The following WIZ variants were observed in gnomAD, a reference collection of about 807,000 sequenced individuals.
The protein encoded by WIZ is protein Wiz.
In WIZ, 25 loss-of-function variants were observed where a neutral mutation model predicts 140.2. That is an observed-to-expected ratio of 0.18 (90% CI 0.13 to 0.25). The LOEUF is 0.25. WIZ is among the 10% of genes least tolerant of loss of function. WIZ has a pLI of 1.00. For missense variants in WIZ, 2,231 were observed against 2,632.6 expected, an observed-to-expected ratio of 0.85 and a Z score of 3.34; for synonymous variants, 1,125 against 1,154.3, an observed-to-expected ratio of 0.97 and a Z score of 0.51.
At position 15,439,783 on chromosome 19, in the gene WIZ, G is replaced by A. The variant is rs1004916171; in HGVS notation, c.1211C>T (p.Pro404Leu). 2.4e-5 allele frequency: 36 copies of A among 1,503,162 alleles called. No homozygotes were observed. The highest frequency in any genetic ancestry group is 2.9e-5 in the Non-Finnish European group (33 of 1,131,664). The allele number at this position is 1,503,162 out of a possible 1,614,324, so 93.1% of individuals were successfully genotyped here. Residue 404 changes from proline (P) to leucine (L), a missense_variant, in exon 4 of 13, where the codon CCT (proline) becomes CTT (leucine). Pro to Leu is a moderately conservative substitution (Grantham distance 98, BLOSUM62 -3). Transcript: ENST00000673675. This position sits in a 1 kb window ranked among gnomAD's most constrained non-coding sequence, Gnocchi z 7.0. The stretch of plus-strand genomic sequence containing the variant: ...TGAATTGGTGCCAAAGACACACTTA[G>A]GGCACTGCAGCCGTGCCTCCCGGCC... Reference protein sequence around the residue: ...DEGREARLQCPKCVFGTNSSR... With the variant: ...DEGREARLQCLKCVFGTNSSR...
intron 2 of WIZ, among the ~76,000 whole-genome samples, chr19:15,444,448 T>C (rs1290479400): frequency 6.6e-6 from 1 of 151,932 alleles, no homozygotes; most frequent in African/African-American, 2.4e-5. Flanking sequence ...TTTTCTGGGG[T>C]GGGGTCCATC....
chr19:15,423,453 T>G (rs1968503952), intron 12 of WIZ, among the ~76,000 whole-genome samples: 1 of 152,198 alleles, frequency 6.6e-6, no homozygotes, highest in Non-Finnish European at 1.5e-5. Context: ...CCCCTGCCTC[T>G]GTGCTCAGAA....
In WIZ at chr19:15,424,494, G is replaced by A. The variant is rs558358274; in HGVS notation, c.5315-116C>T. 3.7e-5 allele frequency: 56 copies of A among 1,530,330 alleles called. No individual in the cohort carries two copies. In the Middle Eastern group the frequency reaches 1.2e-3, roughly 33 times the overall value. 94.8% of individuals were successfully genotyped at this position (1,530,330 alleles called of 1,614,324 possible). On this transcript the variant is annotated intron_variant, in intron 11 of 12. Coordinates refer to ENST00000673675, the MANE Select transcript of WIZ (RefSeq NM_001371589.1). The surrounding 1 kb of genome is among the most constrained non-coding windows in gnomAD (Gnocchi z 9.7). ...GATGGGTGGGATGGGGGATGGATGG[G>A]TGAATGGGTAAGCAACTGGAGAAAG... is the stretch of plus-strand genomic sequence containing the variant.
Position 15,425,681 on chromosome 19 carries a change from C to T in WIZ, c.4454G>A (p.Arg1485His), listed in dbSNP as rs1370470768. ...ENRKGLSSHARSHLRQMGVTE... is the reference protein window; with the variant it reads ...ENRKGLSSHAHSHLRQMGVTE... ...CACACCCATCTGCCGCAGGTGTGAG[C>T]GCGCGTGACTCGACAGGCCCTTGCG... The change falls in exon 10 of 13, where the codon CGC becomes CAC. Residue 1485 changes from arginine to histidine, a missense_variant. Physicochemically the swap from Arg to His is conservative, Grantham distance 29. Transcript: ENST00000673675. 1.9e-6 allele frequency: 3 copies of T among 1,613,210 alleles called. No individual in the cohort carries two copies. Among genetic ancestry groups the T allele is most frequent in the Non-Finnish European group, 2.5e-6 (3 of 1,179,918 alleles).
Position 15,442,543 on chromosome 19 carries a change from C to A in WIZ, c.278+133G>T, listed in dbSNP as rs1450138313. On this transcript the variant is annotated intron_variant, in intron 3 of 12. Transcript: ENST00000673675. The surrounding 1 kb of genome is among the most constrained non-coding windows in gnomAD (Gnocchi z 5.5). Reference sequence around the variant, plus strand: ...CGCCCAGGGGCTTGCCTGCCGGGAGCTGACTCCTCCTCCTGCCTGGCCTCC... The same window carrying A: ...CGCCCAGGGGCTTGCCTGCCGGGAGATGACTCCTCCTCCTGCCTGGCCTCC... 2 of 653,156 alleles carry A rather than the reference C, an allele frequency of 3.1e-6. No homozygotes were observed. Among genetic ancestry groups the A allele is most frequent in the Non-Finnish European group, 4.3e-6 (2 of 459,932 alleles). The allele number at this position is 653,156 out of a possible 1,614,324, so 40.5% of individuals were successfully genotyped here. A position where few individuals can be genotyped will look rare whatever the true frequency, so the allele number is the denominator to read the frequency against.
intron 2 of WIZ, among the ~76,000 whole-genome samples, chr19:15,444,955 G>C (rs1969866261): frequency 1.3e-5 from 2 of 152,222 alleles, no homozygotes; most frequent in South Asian, 4.1e-4. Flanking sequence ...CTTTGTCTGA[G>C]CAATTCCAGC....
intron 5 of WIZ, chr19:15,432,451 G>A: frequency 8.1e-6 from 8 of 983,922 alleles, no homozygotes; most frequent in Non-Finnish European, 9.6e-6. Flanking sequence ...GGGAGCGGAC[G>A]CGGGCCCGGG....
intron 2 of WIZ, among the ~76,000 whole-genome samples, chr19:15,444,568 G>A (rs1969852233): frequency 6.6e-6 from 1 of 152,122 alleles, no homozygotes; most frequent in Non-Finnish European, 1.5e-5. Context: ...CCCTGGAGGG[G>A]GAGGCGAATC....
rs759799980 is a variant in WIZ at position 15,440,073 on chromosome 19, G to A, written c.921C>T (p.Asp307=). 1.4e-5 allele frequency: 21 copies of A among 1,535,558 alleles called. No individual in the cohort carries two copies. Among genetic ancestry groups the A allele is most frequent in the African/African-American group, 9.6e-5 (7 of 73,010 alleles). Residue 307 remains aspartate, a synonymous_variant, in exon 4 of 13, where the codon GAC becomes GAT. Coordinates refer to ENST00000673675, the MANE Select transcript of WIZ (RefSeq NM_001371589.1). This position sits in a 1 kb window ranked among gnomAD's most constrained non-coding sequence, Gnocchi z 6.2. ...GGAACACGGCCGGCTCCTCGTCCTC[G>A]TCCTCATCTGGGCTGGCCACCCCTT... ...VAEGVASPDE[D]EDEEPAVFPC... is the part of the protein sequence containing the mutation.
At chr19:15,446,144 C>A (rs1458989464) in intron 2 of WIZ, among the ~76,000 whole-genome samples, 1 of 152,146 alleles carries the variant, frequency 6.6e-6, no homozygotes, top group Admixed American at 6.5e-5. Context: ...GCCTGGCCCC[C>A]CTCAGCAGCC....
At chr19:15,443,894 C>T (rs1969826758) in intron 2 of WIZ, among the ~76,000 whole-genome samples, 1 of 152,168 alleles carries the variant, frequency 6.6e-6, no homozygotes, top group Non-Finnish European at 1.5e-5. Context: ...CCAATCCCCT[C>T]CTGGGACCCC....
intron 5 of WIZ, chr19:15,433,487 A>C: frequency 8.7e-6 from 3 of 345,204 alleles, no homozygotes; most frequent in Non-Finnish European, 1.2e-5. Flanking sequence ...GGCTTCCAAG[A>C]TCTTCCCAAT....
chr19:15,425,926 G>A (rs777757004), intron 9 of WIZ, among the ~76,000 whole-genome samples, 158 bp from the exon 10 acceptor site: 9 of 147,464 alleles, frequency 6.1e-5, no homozygotes, highest in Middle Eastern at 3.5e-3. Flanking sequence ...AGGAGGCGGC[G>A]GCTGCGGGCA....
chr19:15,420,297 C>T lies in WIZ; in HGVS notation c.*2779G>A, dbSNP rs1276882132. The T allele has an allele frequency of 6.6e-6, 1 of 152,194 alleles. No homozygotes were observed. The highest frequency in any genetic ancestry group is 1.5e-5 in the Non-Finnish European group (1 of 68,048). 9.4% of individuals were successfully genotyped at this position (152,194 alleles called of 1,614,324 possible). ...GATAAACTGTTTTAATAAAACTCCC[C>T]CCACCCAAATGAGGCTTCTGCAGAA... On this transcript the variant is annotated 3_prime_UTR_variant, in exon 13 of 13. Coordinates refer to ENST00000673675, the MANE Select transcript of WIZ (RefSeq NM_001371589.1).
In WIZ at chr19:15,425,357, G is replaced by A; in HGVS notation, c.4778C>T (p.Ala1593Val). The A allele has an allele frequency of 6.4e-7, 1 of 1,558,016 alleles. No individual in the cohort carries two copies. Among genetic ancestry groups the A allele is most frequent in the South Asian group, 1.2e-5 (1 of 85,176 alleles). The change falls in exon 10 of 13, where the codon GCC becomes GTC. Residue 1593 changes from alanine to valine, a missense_variant. Physicochemically the swap from Ala to Val is moderately conservative, Grantham distance 64. This residue lies in a region of WIZ where 393 missense variants were observed against 451.7 expected (regional missense o/e 0.87). Coordinates refer to ENST00000673675, the MANE Select transcript of WIZ (RefSeq NM_001371589.1). ...SATGYLGSVA[A>V]KRPLQEDRLL... ...GCGGTCCTCCTGCAGGGGCCGCTTGGCTGCCACTGAGCCCAGGTAGCCAGT... is the reference window on the plus strand; with the variant it reads ...GCGGTCCTCCTGCAGGGGCCGCTTGACTGCCACTGAGCCCAGGTAGCCAGT...
chr19:15,424,623 C>A lies in WIZ; in HGVS notation c.5304G>T (p.Gln1768His). 6.3e-7 allele frequency: 1 copy of A among 1,592,024 alleles called. No individual in the cohort carries two copies. Among genetic ancestry groups the A allele is most frequent in the Non-Finnish European group, 8.5e-7 (1 of 1,177,582 alleles). ...GTVKAEEHQR[Q>H]NINKFERRQA... ...CCACCAAGCACTCACTGTTGATGTT[C>A]TGCCGCTGGTGCTCCTCAGCCTTCA... is the stretch of plus-strand genomic sequence containing the variant. Residue 1768 changes from glutamine to histidine, a missense_variant, in exon 11 of 13, where the codon CAG becomes CAT. Gln to His is a conservative substitution (Grantham distance 24). This residue lies in a region of WIZ where 299 missense variants were observed against 309.6 expected (regional missense o/e 0.97). Coordinates refer to ENST00000673675, the MANE Select transcript of WIZ (RefSeq NM_001371589.1). This position sits in a 1 kb window ranked among gnomAD's most constrained non-coding sequence, Gnocchi z 9.7.
rs74912500 is a variant in WIZ at position 15,425,530 on chromosome 19, G to A, written c.4605C>T (p.Asp1535=). ...GCCCAGGGGCCACGGTGGGAGGCCCGTCCTCAGCCAGGGCAGGGGCCAGGT... is the reference window on the plus strand; with the variant it reads ...GCCCAGGGGCCACGGTGGGAGGCCCATCCTCAGCCAGGGCAGGGGCCAGGT... ...AGDLAPALAE[D]GPPTVAPGPV... Residue 1535 remains aspartate (D), a synonymous_variant, in exon 10 of 13, where the codon GAC becomes GAT. Coordinates refer to ENST00000673675, the MANE Select transcript of WIZ (RefSeq NM_001371589.1). The A allele has an allele frequency of 7.3e-4, 1,170 of 1,611,690 alleles. 14 individuals are homozygous for A. In the East Asian group the frequency reaches 0.013, roughly 18 times the overall value.
Position 15,440,086 on chromosome 19 carries a change from C to T in WIZ, c.908G>A (p.Ser303Asn), listed in dbSNP as rs1382658361. The T allele has an allele frequency of 3.3e-6, 5 of 1,535,016 alleles. No individual in the cohort carries two copies. The highest frequency in any genetic ancestry group is 1.2e-5 in the South Asian group (1 of 83,962). The change falls in exon 4 of 13, where the codon AGC becomes AAC. Residue 303 changes from serine to asparagine, a missense_variant. This residue lies in a region of WIZ where 307 missense variants were observed against 294.1 expected (regional missense o/e 1.04). Coordinates refer to ENST00000673675, the MANE Select transcript of WIZ (RefSeq NM_001371589.1). The surrounding 1 kb of genome is among the most constrained non-coding windows in gnomAD (Gnocchi z 6.2). ...CTCCTCGTCCTCGTCCTCATCTGGG[C>T]TGGCCACCCCTTCGGCCACCTCCTC... is the stretch of plus-strand genomic sequence containing the variant. ...LLEEVAEGVA[S>N]PDEDEDEEPA...
At chr19:15,437,430 A>T (rs1050163622) in intron 4 of WIZ, among the ~76,000 whole-genome samples, 8 of 152,246 alleles carry the variant, frequency 5.3e-5, no homozygotes, top group African/African-American at 1.9e-4. Context: ...TTGGGAGGCC[A>T]AGCGGGAAGA....
Sources: gnomAD v4.1 joint callset for allele counts (sites outside exome capture counted in the v4.1 genomes callset) on GRCh38, gnomAD v4.1.1 for gene constraint, gnomAD v4.1.1 regional missense constraint, Gnocchi (gnomAD v3.1) non-coding constraint, MANE v1.5 for transcripts, NCBI Gene and HGNC (gene_info 2026-07-23, HGNC 2026-07-21) for gene names.